The following ZNF670 variants were observed in gnomAD, a reference collection of about 807,000 sequenced individuals.
ZNF670 encodes the protein zinc finger protein 670.
A neutral mutation model predicts 10.9 loss-of-function variants in ZNF670; 7 were observed. That is an observed-to-expected ratio of 0.64 (90% CI 0.36 to 1.20). The LOEUF is 1.20. Among genes scored for constraint, ZNF670 ranks in the 50% most tolerant of loss-of-function variants. ZNF670 has a pLI of 0.02. For synonymous variants in ZNF670, 136 were observed against 152.7 expected (o/e 0.89, Z 0.81); for missense variants, 446 against 458.6 (o/e 0.97, Z 0.25).
chr1:247,055,492 C>T (rs990485105), intron 1 of ZNF670, among the ~76,000 whole-genome samples: 2 of 152,214 alleles, frequency 1.3e-5, no homozygotes, highest in Non-Finnish European at 1.5e-5. Context: ...CCCTTCTCTG[C>T]TGCAGAGAGC....
rs752764783 is a variant in ZNF670, at chr1:247,037,806, A to T, written c.813T>A (p.His271Gln). 23 of 1,613,342 alleles carry T rather than the reference A, an allele frequency of 1.4e-5. No homozygotes were observed. In the Admixed American group the frequency reaches 3.5e-4, roughly 25 times the overall value. The change falls in exon 4 of 4, where the codon CAT (histidine) becomes CAA (glutamine). Residue 271 changes from histidine to glutamine, a missense_variant. By Grantham distance (24) the His-to-Gln change is conservative (BLOSUM62 0). Transcript: ENST00000366503. ...AFSRSTYLGI[H>Q]ERTHTGEKPY... ...GTTTTTCTCCAGTATGCGTTCTTTCATGTATTCCCAAGTAAGTGGAACGAC... is the reference window on the plus strand; with the variant it reads ...GTTTTTCTCCAGTATGCGTTCTTTCTTGTATTCCCAAGTAAGTGGAACGAC...
intron 1 of ZNF670, among the ~76,000 whole-genome samples, chr1:247,064,510 A>G (rs530415578): frequency 6.6e-6 from 1 of 152,320 alleles, no homozygotes; most frequent in African/African-American, 2.4e-5. Flanking sequence ...AGGCATTTGC[A>G]TTGAAGCAGA....
chr1:247,043,451 A>G, intron 1 of ZNF670: 2 of 617,888 alleles, frequency 3.2e-6, no homozygotes, highest in Admixed American at 4.9e-5. Context: ...TAATAAAAAA[A>G]ACTTTGAAGA....
chr1:247,076,251 T>A (rs56386875), intron 1 of ZNF670, among the ~76,000 whole-genome samples: 3 of 151,262 alleles, frequency 2.0e-5, no homozygotes, highest in Non-Finnish European at 2.9e-5. Flanking sequence ...CCCCACTGTG[T>A]GCTTGAATTT....
At chr1:247,038,982 C>T (rs962815082) in intron 2 of ZNF670, 112 bp from the exon 3 acceptor site, 24 of 624,884 alleles carry the variant, frequency 3.8e-5, no homozygotes, top group Non-Finnish European at 5.3e-6. Flanking sequence ...CAAAGTACTC[C>T]CTTTCCACAT....
intron 1 of ZNF670, among the ~76,000 whole-genome samples, chr1:247,069,443 C>CA (rs34252176): frequency 0.15 from 22,909 of 149,590 alleles, 2,150 homozygotes; most frequent in South Asian, 0.25. Flanking sequence ...GAAGGTCTTT[C>CA]AAAAAAAAAC....
intron 1 of ZNF670, among the ~76,000 whole-genome samples, chr1:247,059,750 T>C (rs541596383): frequency 4.1e-5 from 6 of 145,064 alleles, no homozygotes; most frequent in South Asian, 2.1e-4. Flanking sequence ...AACATGACTG[T>C]CTATGTACAA....
At chr1:247,075,797 C>T (rs1671238241) in intron 1 of ZNF670, among the ~76,000 whole-genome samples, 1 of 152,140 alleles carries the variant, frequency 6.6e-6, no homozygotes, top group African/African-American at 2.4e-5. Context: ...TTATCAGCAG[C>T]ATGAAAACAA....
chr1:247,037,086 C>T lies in ZNF670; in HGVS notation c.*363G>A, dbSNP rs1407948789. 1 of 182,468 alleles carries T rather than the reference C, an allele frequency of 5.5e-6. No individual in the cohort carries two copies. Among genetic ancestry groups the T allele is most frequent in the Non-Finnish European group, 1.1e-5 (1 of 87,508 alleles). 11.3% of individuals were successfully genotyped at this position (182,468 alleles called of 1,614,324 possible). A position where few individuals can be genotyped will look rare whatever the true frequency, so the allele number is the denominator to read the frequency against. On this transcript the variant is annotated 3_prime_UTR_variant, in exon 4 of 4. Transcript: ENST00000366503. ...AAACACAGCCTATTAAGCTCATGTA[C>T]TATGGCTTATAAAGTATCTGTGAAA... is the stretch of plus-strand genomic sequence containing the variant.
At chr1:247,041,884 A>C (rs1291980806) in intron 1 of ZNF670, among the ~76,000 whole-genome samples, 3 of 152,228 alleles carry the variant, frequency 2.0e-5, no homozygotes, top group African/African-American at 4.8e-5. Flanking sequence ...AGTTCAAGTA[A>C]AGCAAAATGG....
At chr1:247,052,714 G>A (rs1401548105) in intron 1 of ZNF670, among the ~76,000 whole-genome samples, 1 of 152,194 alleles carries the variant, frequency 6.6e-6, no homozygotes, top group South Asian at 2.1e-4. Flanking sequence ...ATAATGGCTT[G>A]CGTTGGTTGG....
intron 1 of ZNF670, among the ~76,000 whole-genome samples, chr1:247,077,874 G>T (rs1375579368): frequency 6.6e-6 from 1 of 152,134 alleles, no homozygotes; most frequent in Non-Finnish European, 1.5e-5. Context: ...CCGAGTCCAA[G>T]ACTCCATCAT....
At chr1:247,040,555 T>C (rs1239743418) in intron 1 of ZNF670, among the ~76,000 whole-genome samples, 2 of 152,182 alleles carry the variant, frequency 1.3e-5, no homozygotes, top group African/African-American at 2.4e-5. Context: ...TTCCAAACAA[T>C]AGGGCAATGG....
intron 1 of ZNF670, among the ~76,000 whole-genome samples, chr1:247,070,753 C>T (rs1671095379): frequency 6.6e-6 from 1 of 152,222 alleles, no homozygotes; most frequent in Non-Finnish European, 1.5e-5. Context: ...GGTTTAATAT[C>T]CAGGATCTAT....
intron 1 of ZNF670, among the ~76,000 whole-genome samples, chr1:247,040,010 T>C (rs1032362572): frequency 6.6e-6 from 1 of 152,238 alleles, no homozygotes; most frequent in Admixed American, 6.5e-5. Flanking sequence ...GTTCACAATA[T>C]GTAAACAATC....
chr1:247,048,756 A>T (rs1670518200), intron 1 of ZNF670, among the ~76,000 whole-genome samples: 1 of 152,208 alleles, frequency 6.6e-6, no homozygotes, highest in African/African-American at 2.4e-5. Context: ...CACCTTCTTC[A>T]CATGGTGGTA....
At chr1:247,055,514 A>G (rs930416565) in intron 1 of ZNF670, among the ~76,000 whole-genome samples, 2 of 152,124 alleles carry the variant, frequency 1.3e-5, no homozygotes, top group African/African-American at 4.8e-5. Flanking sequence ...TTCTTCTTCC[A>G]CTTATTAAAC....
At chr1:247,077,307 T>C (rs1671276685) in intron 1 of ZNF670, among the ~76,000 whole-genome samples, 1 of 152,108 alleles carries the variant, frequency 6.6e-6, no homozygotes, top group South Asian at 2.1e-4. Context: ...CTGTCCTCTG[T>C]GAGGAGATGA....
intron 1 of ZNF670, among the ~76,000 whole-genome samples, chr1:247,076,864 C>T (rs1192839058): frequency 2.0e-5 from 3 of 152,148 alleles, no homozygotes; most frequent in South Asian, 2.1e-4. Flanking sequence ...TTTTGCCATA[C>T]TGGCAAGGCT....
Sources: allele counts gnomAD v4.1 joint callset (sites outside exome capture counted in the v4.1 genomes callset), GRCh38; gene constraint gnomAD v4.1.1; transcripts MANE v1.5; gene names NCBI Gene and HGNC (gene_info 2026-07-23, HGNC 2026-07-21).